LAMA1: variants seen among roughly 807,000 people sequenced by gnomAD.
LAMA1 encodes laminin subunit alpha 1.
In LAMA1, 219 loss-of-function variants were observed where a neutral mutation model predicts 348.7. That is an observed-to-expected ratio of 0.63 (90% confidence interval 0.56 to 0.70). The LOEUF (loss-of-function observed/expected upper bound fraction) is 0.70. Among genes scored for constraint, LAMA1 ranks in the 30% least tolerant of loss-of-function variants. LAMA1 has a pLI of 0.00. For synonymous variants in LAMA1, 1,487 were observed against 1,491.0 expected (o/e 1.00, Z 0.06); for missense variants, 3,744 against 3,888.0 (o/e 0.96, Z 0.99).
In LAMA1 at chr18:6,964,688, A is replaced by G. The variant is rs151291963; in HGVS notation, c.7311T>C (p.Gly2437=). ...TTACAACTCTTGACCTTGGTAATCC[A>G]CCCACATAAATCGGGTCCTTGTCTA... is the stretch of plus-strand genomic sequence containing the variant. The part of the protein sequence containing the change: ...NRLDKDPIYV[G]GLPRSRVVRR... Residue 2437 remains glycine (G), a synonymous_variant, in exon 51 of 63, where the codon GGT becomes GGC. Coordinates refer to ENST00000389658, the MANE Select transcript of LAMA1 (RefSeq NM_005559.4). 12 of 1,614,114 alleles carry G rather than the reference A, an allele frequency of 7.4e-6. No homozygotes were observed. Among genetic ancestry groups the G allele is most frequent in the Non-Finnish European group, 1.0e-5 (12 of 1,180,024 alleles).
chr18:7,108,640 C>CAAAAAAAAAAAAAAAAAAAAAAAAAA (rs58802341), intron 1 of LAMA1, among the ~76,000 whole-genome samples: 1 of 40,222 alleles, frequency 2.5e-5, no homozygotes, highest in African/African-American at 9.9e-5. Context: ...GACTCTGTCT[C>CAAAAAAAAAAAAAAAAAAAAAAAAAA]AAAAAAAAAA....
intron 3 of LAMA1, among the ~76,000 whole-genome samples, chr18:7,071,286 G>A (rs1008843185): frequency 6.6e-6 from 1 of 152,282 alleles, no homozygotes; most frequent in African/African-American, 2.4e-5. Context: ...GCAAAGAGGC[G>A]ATCACTCGCA....
At chr18:7,008,270 C>T (rs478879) in intron 28 of LAMA1, among the ~76,000 whole-genome samples, 27,590 of 151,980 alleles carry the variant, frequency 0.18, 2,649 homozygotes, top group African/African-American at 0.21. Flanking sequence ...TGTACAACAA[C>T]GTGACTGTAC....
At chr18:7,100,663 T>C (rs1464035643) in intron 1 of LAMA1, among the ~76,000 whole-genome samples, 1 of 152,172 alleles carries the variant, frequency 6.6e-6, no homozygotes, top group Non-Finnish European at 1.5e-5. Context: ...TATTGACATA[T>C]GCTACAAAAT....
intron 53 of LAMA1, 94 bp from the exon 54 acceptor site, chr18:6,959,586 C>T: frequency 1.5e-6 from 2 of 1,332,024 alleles, no homozygotes; most frequent in East Asian, 2.5e-5. Flanking sequence ...AGAAGATTAA[C>T]ATCAAGTGAG....
intron 57 of LAMA1, among the ~76,000 whole-genome samples, chr18:6,953,389 T>C (rs958145162): frequency 3.3e-5 from 5 of 152,250 alleles, no homozygotes; most frequent in Non-Finnish European, 7.3e-5. Context: ...TTCTATTTTA[T>C]TATTATTGTT....
At chr18:6,949,821 A>C (rs1407824269) in intron 58 of LAMA1, among the ~76,000 whole-genome samples, 2 of 152,238 alleles carry the variant, frequency 1.3e-5, no homozygotes, top group African/African-American at 4.8e-5. Context: ...GAAATGCCAC[A>C]AGGTTGGAAT....
At chr18:7,043,526 A>G in intron 7 of LAMA1, 121 bp from the exon 8 acceptor site, 1 of 814,262 alleles carries the variant, frequency 1.2e-6, no homozygotes, top group Non-Finnish European at 2.0e-6. Context: ...AGAATAAGTA[A>G]TTTTAATAAG....
chr18:7,082,278 C>T (rs1236451428), intron 1 of LAMA1, among the ~76,000 whole-genome samples: 1 of 152,110 alleles, frequency 6.6e-6, no homozygotes, highest in Non-Finnish European at 1.5e-5. Flanking sequence ...CATGAACTTA[C>T]ATCATATACT....
At chr18:7,048,693 A>G (rs1047740348) in intron 5 of LAMA1, among the ~76,000 whole-genome samples, 1 of 152,218 alleles carries the variant, frequency 6.6e-6, no homozygotes, top group Admixed American at 6.5e-5. Context: ...ACTTAACTAC[A>G]TACTTAAAAT....
chr18:7,042,504 C>A (rs1034827540), intron 8 of LAMA1: 22 of 416,954 alleles, frequency 5.3e-5, no homozygotes, highest in Non-Finnish European at 9.0e-5. Context: ...TCTCCAGCCC[C>A]CCTCGCGCTG....
intron 29 of LAMA1, among the ~76,000 whole-genome samples, chr18:7,003,025 C>T (rs1384541567): frequency 6.7e-6 from 1 of 150,078 alleles, no homozygotes; most frequent in Non-Finnish European, 1.5e-5. Context: ...GGACCAGAGG[C>T]ACACGCCACC....
At chr18:7,012,985 C>A (rs1366408756) in intron 23 of LAMA1, among the ~76,000 whole-genome samples, 3 of 151,562 alleles carry the variant, frequency 2.0e-5, no homozygotes, top group African/African-American at 7.3e-5. Flanking sequence ...TATGGTGAAA[C>A]CCCGTCTCTA....
intron 1 of LAMA1, among the ~76,000 whole-genome samples, chr18:7,112,793 G>A (rs895969939): frequency 1.6e-4 from 24 of 151,864 alleles, no homozygotes; most frequent in African/African-American, 5.1e-4. Context: ...CCACCACCAC[G>A]CCTGGCTAAT....
chr18:7,080,212 A>G (rs2058187362), intron 2 of LAMA1, 75 bp downstream of exon 2: 1 of 1,602,394 alleles, frequency 6.2e-7, no homozygotes, highest in South Asian at 1.1e-5. Context: ...ATGGCTTCCT[A>G]ACAGAAGTCT....
At chr18:6,993,843 C>T (rs567654839) in intron 34 of LAMA1, 91 bp from the exon 35 acceptor site, 58 of 782,562 alleles carry the variant, frequency 7.4e-5, no homozygotes, top group South Asian at 5.5e-4. Context: ...CCACTGTTGC[C>T]GCTTATAAGC....
At chr18:6,994,772 C>CT (rs1156521070) in intron 34 of LAMA1, among the ~76,000 whole-genome samples, 1 of 152,002 alleles carries the variant, frequency 6.6e-6, no homozygotes, top group Non-Finnish European at 1.5e-5. Context: ...AGGGGAGATT[C>CT]TTTTTTAGGT....
chr18:7,103,540 C>T (rs540993501), intron 1 of LAMA1, among the ~76,000 whole-genome samples: 12 of 152,250 alleles, frequency 7.9e-5, no homozygotes, highest in African/African-American at 2.6e-4. Flanking sequence ...GGTGTGGTGG[C>T]TCACGCCTGT....
At chr18:7,112,552 G>A (rs2058339778) in intron 1 of LAMA1, among the ~76,000 whole-genome samples, 2 of 151,492 alleles carry the variant, frequency 1.3e-5, no homozygotes, top group South Asian at 4.2e-4. Flanking sequence ...TCTACCTATA[G>A]TACCTTTTGC....
Sources: allele counts gnomAD v4.1 joint callset (sites outside exome capture counted in the v4.1 genomes callset), GRCh38; gene constraint gnomAD v4.1.1; transcripts MANE v1.5; gene names NCBI Gene and HGNC (gene_info 2026-07-23, HGNC 2026-07-21).